The following STK39 variants were observed in gnomAD, a reference collection of about 807,000 sequenced individuals.
The protein encoded by STK39 is STE20/SPS1-related proline-alanine-rich protein kinase.
STK39 carries 20 observed loss-of-function variants against 77.8 expected under a neutral mutation model. That is an observed-to-expected ratio of 0.26 (90% CI 0.18 to 0.37). The LOEUF (loss-of-function observed/expected upper bound fraction) is 0.37. Ranked by LOEUF, STK39 falls within the 10% of genes least tolerant of loss-of-function variation. The pLI, the probability that STK39 is intolerant of heterozygous loss-of-function variation, is 1.00. For synonymous variants in STK39, 246 were observed against 234.1 expected, an observed-to-expected ratio of 1.05 and a Z score of -0.47; for missense variants, 479 against 656.5, an observed-to-expected ratio of 0.73 and a Z score of 2.95.
intron 5 of STK39, among the ~76,000 whole-genome samples, chr2:168,143,745 T>A (rs1452367574): frequency 6.6e-6 from 1 of 151,712 alleles, no homozygotes; most frequent in African/African-American, 2.4e-5. Flanking sequence ...AGGCTCCCTG[T>A]CCCCTCAGGA....
intron 3 of STK39, among the ~76,000 whole-genome samples, chr2:168,165,222 G>A (rs1457228892): frequency 1.3e-5 from 2 of 152,222 alleles, no homozygotes; most frequent in East Asian, 1.9e-4. Context: ...AAGAGTCCAC[G>A]TCTGCCCACG....
chr2:168,236,820 G>A (rs1221583425), intron 1 of STK39, among the ~76,000 whole-genome samples: 1 of 151,950 alleles, frequency 6.6e-6, no homozygotes, highest in Non-Finnish European at 1.5e-5. Context: ...CTCTGTTTTG[G>A]TACCAGTACC....
At chr2:168,172,723 T>G (rs1488977867) in intron 2 of STK39, among the ~76,000 whole-genome samples, 1 of 152,222 alleles carries the variant, frequency 6.6e-6, no homozygotes, top group East Asian at 1.9e-4. Flanking sequence ...CTTAACCAAA[T>G]TTGCGTATTT....
intron 16 of STK39, among the ~76,000 whole-genome samples, chr2:168,009,527 C>A (rs78307294): frequency 0.014 from 2,112 of 152,210 alleles, 52 homozygotes; most frequent in African/African-American, 0.048. Flanking sequence ...GACCCAAGCG[C>A]AAGGAACATT....
chr2:168,231,033 A>G (rs1430864543), intron 1 of STK39, among the ~76,000 whole-genome samples: 2 of 151,944 alleles, frequency 1.3e-5, no homozygotes, highest in Non-Finnish European at 2.9e-5. Flanking sequence ...TGCAATCCCT[A>G]CCTCTATGCC....
intron 14 of STK39, among the ~76,000 whole-genome samples, chr2:168,036,224 A>G (rs990128743): frequency 4.4e-5 from 5 of 114,298 alleles, no homozygotes; most frequent in Non-Finnish European, 1.1e-4. Flanking sequence ...CATACAGGGA[A>G]AAAAAAAAAA....
In STK39 at chr2:167,989,996, C is replaced by T. The variant is rs532798709; in HGVS notation, c.1498+22638G>A. 5.9e-5 allele frequency among the ~76,000 whole-genome samples: 9 copies of T among 151,632 alleles called. No individual in the cohort carries two copies. The East Asian group carries it at 1.6e-3, about 26-fold the overall frequency. On this transcript the variant is annotated intron_variant, in intron 16 of 17. Coordinates refer to ENST00000355999, the MANE Select transcript of STK39 (RefSeq NM_013233.3). Reference sequence around the variant, plus strand: ...CTTAATGTGAGCTATAACACAAGGGCTAAAACGACCAATAATAATCATCAT... The same window carrying T: ...CTTAATGTGAGCTATAACACAAGGGTTAAAACGACCAATAATAATCATCAT...
chr2:167,985,308 C>T (rs1683529496), intron 16 of STK39, among the ~76,000 whole-genome samples: 1 of 152,182 alleles, frequency 6.6e-6, no homozygotes, highest in Non-Finnish European at 1.5e-5. Context: ...AAAAACCTTT[C>T]TTCAGGGGAA....
intron 1 of STK39, among the ~76,000 whole-genome samples, chr2:168,217,199 G>C (rs541556696): frequency 6.6e-6 from 1 of 152,200 alleles, no homozygotes; most frequent in Non-Finnish European, 1.5e-5. Context: ...AGGGTGCCTA[G>C]AAAGTAATGA....
At chr2:168,223,423 A>T (rs1690225454) in intron 1 of STK39, among the ~76,000 whole-genome samples, 1 of 150,912 alleles carries the variant, frequency 6.6e-6, no homozygotes, top group Non-Finnish European at 1.5e-5. Context: ...GAGGCAGGAG[A>T]ATTGCTTGAA....
intron 2 of STK39, among the ~76,000 whole-genome samples, chr2:168,169,688 T>C (rs1056961088): frequency 6.7e-6 from 1 of 148,328 alleles, no homozygotes; most frequent in Non-Finnish European, 1.5e-5. Flanking sequence ...CTGTAGAACC[T>C]ATAGATATAA....
chr2:168,167,419 G>C lies in STK39; in HGVS notation c.322-12C>G. 1.2e-6 allele frequency: 2 copies of C among 1,610,960 alleles called. No homozygotes were observed. The stretch of plus-strand genomic sequence containing the variant: ...GCTTGAATTTCTTTCTATAAAAAGA[G>C]CAAAACATGACATAGTACCATGGGG... On this transcript the variant is annotated splice_polypyrimidine_tract_variant and intron_variant, in intron 2 of 17. Transcript: ENST00000355999.
At chr2:168,089,134 G>A (rs1433035926) in intron 10 of STK39, among the ~76,000 whole-genome samples, 5 of 152,164 alleles carry the variant, frequency 3.3e-5, no homozygotes, top group African/African-American at 4.8e-5. Context: ...TGAGGAAGAC[G>A]GAGTGGGGCC....
intron 10 of STK39, among the ~76,000 whole-genome samples, chr2:168,123,811 G>C (rs1283954753): frequency 1.3e-5 from 2 of 149,856 alleles, no homozygotes; most frequent in East Asian, 4.0e-4. Context: ...GGAGGTTGCA[G>C]TGAGTGGAGA....
chr2:168,094,729 T>G (rs1686615855), intron 10 of STK39, among the ~76,000 whole-genome samples: 1 of 152,138 alleles, frequency 6.6e-6, no homozygotes, highest in Non-Finnish European at 1.5e-5. Context: ...AGGGCTCCTT[T>G]GTTCTCTCTG....
chr2:168,133,189 T>C (rs1687745351), intron 8 of STK39, among the ~76,000 whole-genome samples: 1 of 152,136 alleles, frequency 6.6e-6, no homozygotes, highest in Non-Finnish European at 1.5e-5. Context: ...CAGGGATACC[T>C]TGAGATACGG....
intron 10 of STK39, among the ~76,000 whole-genome samples, chr2:168,092,164 T>C (rs1420596018): frequency 1.3e-5 from 2 of 152,084 alleles, no homozygotes; most frequent in Non-Finnish European, 2.9e-5. Flanking sequence ...AAGGACAGAG[T>C]AGGAACGTCA....
At chr2:168,227,989 A>G (rs1397469977) in intron 1 of STK39, among the ~76,000 whole-genome samples, 1 of 152,206 alleles carries the variant, frequency 6.6e-6, no homozygotes, top group African/African-American at 2.4e-5. Flanking sequence ...ACGAAGTGCC[A>G]AATATCAGAA....
intron 14 of STK39, among the ~76,000 whole-genome samples, chr2:168,027,819 G>A (rs1684739152): frequency 6.6e-6 from 1 of 152,168 alleles, no homozygotes; most frequent in Non-Finnish European, 1.5e-5. Flanking sequence ...GCGGCCTGCA[G>A]GGAGCAAACA....
Sources: allele counts gnomAD v4.1 joint callset (sites outside exome capture counted in the v4.1 genomes callset), GRCh38; gene constraint gnomAD v4.1.1; transcripts MANE v1.5; gene names NCBI Gene and HGNC (gene_info 2026-07-23, HGNC 2026-07-21).